The following TMPRSS15 variants were observed in gnomAD, a reference collection of about 807,000 sequenced individuals.
TMPRSS15 encodes the protein transmembrane serine protease 15, also known as enteropeptidase.
A neutral mutation model predicts 125.3 loss-of-function variants in TMPRSS15; 128 were observed. That is an observed-to-expected ratio of 1.02 (90% CI 0.89 to 1.18). The LOEUF is 1.18. TMPRSS15 is among the 50% of genes most tolerant of loss of function. TMPRSS15 has a pLI of 0.00. For missense variants in TMPRSS15, 1,283 were observed against 1,212.7 expected (o/e 1.06, Z -0.86); for synonymous variants, 446 against 423.2 (o/e 1.05, Z -0.66).
intron 10 of TMPRSS15, 112 bp downstream of exon 10, chr21:18,352,791 A>C: frequency 1.7e-6 from 2 of 1,149,470 alleles, no homozygotes; most frequent in Non-Finnish European, 2.5e-6. Flanking sequence ...AAAAACCCAA[A>C]AAGACTTTTG....
chr21:18,375,209 T>G (rs1255626171), intron 5 of TMPRSS15, among the ~76,000 whole-genome samples: 1 of 152,190 alleles, frequency 6.6e-6, no homozygotes, highest in African/African-American at 2.4e-5. Context: ...GTAGTGAGTT[T>G]TAAAATTTTT....
At chr21:18,300,165 A>G (rs1484072264) in intron 18 of TMPRSS15, among the ~76,000 whole-genome samples, 1 of 151,868 alleles carries the variant, frequency 6.6e-6, no homozygotes, top group African/African-American at 2.4e-5. Context: ...TTTAAGACAG[A>G]GCCCGAAGGG....
At chr21:18,326,705 G>T (rs2075295167) in intron 15 of TMPRSS15, 133 bp from the exon 16 acceptor site, 3 of 914,462 alleles carry the variant, frequency 3.3e-6, no homozygotes. Flanking sequence ...GCAGCCACAA[G>T]TAAATGAACA....
At chr21:18,310,997 G>A (rs980688802) in intron 18 of TMPRSS15, among the ~76,000 whole-genome samples, 2 of 145,680 alleles carry the variant, frequency 1.4e-5, no homozygotes, top group African/African-American at 5.2e-5. Context: ...AAGAACAATC[G>A]CTTCAGTAGA....
chr21:18,458,398 C>T (rs1978482860), intron 1 of TMPRSS15, among the ~76,000 whole-genome samples: 1 of 152,150 alleles, frequency 6.6e-6, no homozygotes, highest in Non-Finnish European at 1.5e-5. Flanking sequence ...ATATTGAATG[C>T]ACACTATGCC....
intron 17 of TMPRSS15, among the ~76,000 whole-genome samples, chr21:18,313,418 T>C (rs1304038556): frequency 2.0e-5 from 3 of 150,988 alleles, no homozygotes; most frequent in Non-Finnish European, 4.4e-5. Context: ...CTCTCCATAC[T>C]TTCTATTAAT....
At chr21:18,293,988 CA>C (rs1366900766) in intron 21 of TMPRSS15, among the ~76,000 whole-genome samples, 2 of 152,004 alleles carry the variant, frequency 1.3e-5, no homozygotes, top group Admixed American at 1.3e-4. Context: ...TTTGAATTGG[CA>C]AAAGTTTCCA....
At chr21:18,354,425 T>A (rs2075604089) in intron 8 of TMPRSS15, among the ~76,000 whole-genome samples, 1 of 151,788 alleles carries the variant, frequency 6.6e-6, no homozygotes, top group African/African-American at 2.4e-5. Flanking sequence ...AGAGGATTTT[T>A]TTTTTCATTT....
intron 18 of TMPRSS15, among the ~76,000 whole-genome samples, chr21:18,311,029 A>G (rs189200089): frequency 3.7e-4 from 56 of 151,904 alleles, no homozygotes; most frequent in African/African-American, 1.4e-3. Flanking sequence ...AAACTGGATA[A>G]CTATATGAAG....
At chr21:18,367,764 A>T (rs533110942) in intron 6 of TMPRSS15, among the ~76,000 whole-genome samples, 1 of 152,334 alleles carries the variant, frequency 6.6e-6, no homozygotes, top group East Asian at 1.9e-4. Flanking sequence ...TGTAATTTGC[A>T]TAACAACTCT....
chr21:18,352,986 T>C lies in TMPRSS15; in HGVS notation c.1088A>G (p.Asp363Gly), dbSNP rs1419413630. 6.2e-7 allele frequency: 1 copy of C among 1,611,958 alleles called. No homozygotes were observed. Among genetic ancestry groups the C allele is most frequent in the East Asian group, 2.2e-5 (1 of 44,776 alleles). Residue 363 changes from aspartate (D) to glycine (G), a missense_variant, in exon 10 of 25, where the codon GAT becomes GGT. Transcript: ENST00000284885. ...TCCCTGAATCCTTTCCCATTCATTATCATCATTTAGATCCTGGACCCAGAA... is the reference window on the plus strand; with the variant it reads ...TCCCTGAATCCTTTCCCATTCATTACCATCATTTAGATCCTGGACCCAGAA... ...FCFWVQDLND[D>G]NEWERIQGST... is the part of the protein sequence containing the mutation.
At chr21:18,428,437 T>C (rs577415947) in intron 1 of TMPRSS15, among the ~76,000 whole-genome samples, 1 of 152,294 alleles carries the variant, frequency 6.6e-6, no homozygotes, top group African/African-American at 2.4e-5. Context: ...GGAAAATGTC[T>C]CCAGGGCATG....
chr21:18,482,388 A>G (rs1204882184), intron 1 of TMPRSS15, among the ~76,000 whole-genome samples: 1 of 151,492 alleles, frequency 6.6e-6, no homozygotes, highest in African/African-American at 2.4e-5. Flanking sequence ...TGGCGACTAT[A>G]TTTAGCAACA....
intron 23 of TMPRSS15, among the ~76,000 whole-genome samples, chr21:18,276,259 T>C: frequency 6.6e-6 from 1 of 152,218 alleles, no homozygotes; most frequent in Admixed American, 6.5e-5. Flanking sequence ...GACTCAGTAG[T>C]GCATTGGTAA....
At chr21:18,421,389 T>G (rs2076191775) in intron 1 of TMPRSS15, among the ~76,000 whole-genome samples, 1 of 152,216 alleles carries the variant, frequency 6.6e-6, no homozygotes, top group Non-Finnish European at 1.5e-5. Context: ...AAACTGTGGA[T>G]AGTTTTTACT....
At chr21:18,404,783 T>C (rs1157142671), upstream of TMPRSS15, among the ~76,000 whole-genome samples, 1 of 152,022 alleles carries the variant, frequency 6.6e-6, no homozygotes, top group East Asian at 1.9e-4. Flanking sequence ...TTTCTTCTTC[T>C]TTACCCATGA....
At chr21:18,382,501 T>C (rs776670914) in intron 4 of TMPRSS15, among the ~76,000 whole-genome samples, 1 of 152,144 alleles carries the variant, frequency 6.6e-6, no homozygotes, top group Non-Finnish European at 1.5e-5. Context: ...CAACTAGAGA[T>C]CTACAATCTC....
At chr21:18,302,720 T>A (rs543205833) in intron 18 of TMPRSS15, among the ~76,000 whole-genome samples, 1 of 152,334 alleles carries the variant, frequency 6.6e-6, no homozygotes, top group African/African-American at 2.4e-5. Context: ...ATCTTACAGA[T>A]GCAATGGTAT....
intron 18 of TMPRSS15, among the ~76,000 whole-genome samples, chr21:18,304,136 G>A (rs979170070): frequency 2.0e-5 from 3 of 152,122 alleles, no homozygotes; most frequent in African/African-American, 7.2e-5. Context: ...CAGGGTTCGT[G>A]GGGGTCTGGG....
Sources: allele counts gnomAD v4.1 joint callset (sites outside exome capture counted in the v4.1 genomes callset), GRCh38; gene constraint gnomAD v4.1.1; transcripts MANE v1.5; gene names NCBI Gene and HGNC (gene_info 2026-07-23, HGNC 2026-07-21).